The following DYNC2H1 variants were observed in gnomAD, a reference collection of about 807,000 sequenced individuals.
DYNC2H1 encodes the protein dynein cytoplasmic 2 heavy chain 1.
DYNC2H1 carries 410 observed loss-of-function variants against 570.0 expected under a neutral mutation model. That is an observed-to-expected ratio of 0.72 (90% CI 0.66 to 0.78). DYNC2H1 has a LOEUF of 0.78. Among genes scored for constraint, DYNC2H1 ranks in the 30% least tolerant of loss-of-function variants. DYNC2H1 has a pLI of 0.00. For missense variants in DYNC2H1, 4,865 were observed against 5,046.4 expected (o/e 0.96, Z 1.09); for synonymous variants, 1,688 against 1,677.6 (o/e 1.01, Z -0.15).
intron 84 of DYNC2H1, among the ~76,000 whole-genome samples, chr11:103,414,476 G>A (rs570044117): frequency 4.6e-5 from 7 of 152,162 alleles, no homozygotes; most frequent in African/African-American, 1.7e-4. Context: ...AAAATTAGCT[G>A]GGCTTGGTGG....
At chr11:103,332,265 G>A (rs1938847192) in intron 82 of DYNC2H1, among the ~76,000 whole-genome samples, 1 of 138,456 alleles carries the variant, frequency 7.2e-6, no homozygotes, top group Non-Finnish European at 1.5e-5. Context: ...ATTGAAGATA[G>A]AGCAATAGAA....
Position 103,321,176 on chromosome 11 carries a change from A to G in DYNC2H1, c.11873A>G (p.Gln3958Arg). The G allele has an allele frequency of 1.2e-6, 2 of 1,612,062 alleles. No homozygotes were observed. Among genetic ancestry groups the G allele is most frequent in the Non-Finnish European group, 8.5e-7 (1 of 1,178,916 alleles). The change falls in exon 81 of 89, where the codon CAA becomes CGA. Residue 3958 changes from glutamine to arginine, a missense_variant. Gln to Arg is a conservative substitution (Grantham distance 43). Coordinates refer to ENST00000375735, the MANE Select transcript of DYNC2H1 (RefSeq NM_001377.3). ...TCTTCAGTTATTGATGTATTCAACC[A>G]AAGGAACAAGAAAAGCATTTTTCCA... ...FNSSVIDVFN[Q>R]RNKKSIFPYS...
At chr11:103,236,572 A>G (rs1320503922) in intron 63 of DYNC2H1, 33 bp downstream of exon 63, 1 of 1,188,140 alleles carries the variant, frequency 8.4e-7, no homozygotes, top group Non-Finnish European at 1.2e-6. Context: ...TTTATTAGAA[A>G]TGTTTTATTG....
At chr11:103,240,780 G>T (rs193048957) in intron 63 of DYNC2H1, among the ~76,000 whole-genome samples, 2 of 151,968 alleles carry the variant, frequency 1.3e-5, no homozygotes, top group South Asian at 4.2e-4. Flanking sequence ...ACATTAATCC[G>T]ATCATAATAT....
intron 43 of DYNC2H1, 55 bp from the exon 44 acceptor site, chr11:103,188,442 C>T (rs1261039121): frequency 2.2e-6 from 3 of 1,360,394 alleles, no homozygotes; most frequent in African/African-American, 2.9e-5. Flanking sequence ...TATCCTTTAT[C>T]ATGATTAGGA....
At position 103,261,947 on chromosome 11, in the gene DYNC2H1, C is replaced by T. The variant is rs1232426961; in HGVS notation, c.10695+1970C>T. 1.3e-5 allele frequency among the ~76,000 whole-genome samples: 2 copies of T among 151,964 alleles called. No homozygotes were observed. Among genetic ancestry groups the T allele is most frequent in the Non-Finnish European group, 2.9e-5 (2 of 67,978 alleles). On this transcript the variant is annotated intron_variant, in intron 70 of 88. Coordinates refer to ENST00000375735, the MANE Select transcript of DYNC2H1 (RefSeq NM_001377.3). This position sits in a 1 kb window ranked among gnomAD's most constrained non-coding sequence, Gnocchi z 4.8. ...CAACCCAATGCAAGGAAGCTAAGAA[C>T]CTTGAAAAAAGGTTAGAGGAATTGC...
intron 71 of DYNC2H1, among the ~76,000 whole-genome samples, 186 bp from the exon 72 acceptor site, chr11:103,281,993 T>C (rs1383025859): frequency 6.6e-6 from 1 of 152,062 alleles, no homozygotes; most frequent in East Asian, 1.9e-4. Context: ...AGATTTCATA[T>C]TAATATTTTA....
chr11:103,387,296 CTT>C (rs568580746), intron 83 of DYNC2H1, among the ~76,000 whole-genome samples: 46 of 152,288 alleles, frequency 3.0e-4, no homozygotes, highest in African/African-American at 1.0e-3. Flanking sequence ...GCATAGATGT[CTT>C]CTTTTGAGAA....
intron 85 of DYNC2H1, among the ~76,000 whole-genome samples, chr11:103,436,305 A>G (rs1358749641): frequency 2.0e-5 from 3 of 151,836 alleles, no homozygotes; most frequent in Admixed American, 1.3e-4. Flanking sequence ...GATCACATAG[A>G]CGGTAACTGA....
rs1205791058 is a variant in DYNC2H1 at position 103,239,179 on chromosome 11, T to C, written c.9819+2640T>C. 6.6e-6 allele frequency among the ~76,000 whole-genome samples: 1 copy of C among 152,198 alleles called. No homozygotes were observed. The highest frequency in any genetic ancestry group is 1.5e-5 in the Non-Finnish European group (1 of 68,020). On this transcript the variant is annotated intron_variant, in intron 63 of 88. Transcript: ENST00000375735. This position sits in a 1 kb window ranked among gnomAD's most constrained non-coding sequence, Gnocchi z 4.3. ...ATTGAATATTTGTGTTTTATTGTTA[T>C]AGACAGTTCAGTGTCAAATTGGTTT... is the stretch of plus-strand genomic sequence containing the variant.
Position 103,205,057 on chromosome 11 carries a change from C to A in DYNC2H1, c.8454+93C>A. The A allele has an allele frequency of 8.7e-7, 1 of 1,152,746 alleles. No individual in the cohort carries two copies. The highest frequency in any genetic ancestry group is 1.2e-6 in the Non-Finnish European group (1 of 827,112). 71.4% of individuals were successfully genotyped at this position (1,152,746 alleles called of 1,614,324 possible). On this transcript the variant is annotated intron_variant, in intron 52 of 88. Transcript: ENST00000375735. The surrounding 1 kb of genome is among the most constrained non-coding windows in gnomAD (Gnocchi z 4.5). ...TTCTCTTTGGTGTTGGTTATAACATCACCTTAATTATGGCACCAAACATCT... is the reference window on the plus strand; with the variant it reads ...TTCTCTTTGGTGTTGGTTATAACATAACCTTAATTATGGCACCAAACATCT...
chr11:103,473,028 T>TA (rs1180086329), intron 88 of DYNC2H1, among the ~76,000 whole-genome samples: 1 of 152,172 alleles, frequency 6.6e-6, no homozygotes, highest in East Asian at 1.9e-4. Context: ...ATTGTTTCAG[T>TA]ATGTGGTGAT....
Position 103,290,276 on chromosome 11 carries a change from A to C in DYNC2H1, c.11095+2671A>C, listed in dbSNP as rs549416264. Reference sequence around the variant, plus strand: ...CCTATCTTCTGCCTCACCCATATGCACACAAATATTTTGAGTCACTTTTTA... The same window carrying C: ...CCTATCTTCTGCCTCACCCATATGCCCACAAATATTTTGAGTCACTTTTTA... On this transcript the variant is annotated intron_variant, in intron 75 of 88. Transcript: ENST00000375735. Among the ~76,000 whole-genome samples, 17 of 152,136 alleles carry C rather than the reference A, an allele frequency of 1.1e-4. No homozygotes were observed. The East Asian group carries it at 2.9e-3, about 26-fold the overall frequency.
chr11:103,254,951 T>C lies in DYNC2H1; in HGVS notation c.10207-464T>C, dbSNP rs947576244. 6.6e-6 allele frequency among the ~76,000 whole-genome samples: 1 copy of C among 151,820 alleles called. No individual in the cohort carries two copies. Among genetic ancestry groups the C allele is most frequent in the African/African-American group, 2.4e-5 (1 of 41,322 alleles). ...CACGCCTGGCTAATTTTTTGTATTT[T>C]TAGTAGAGATGGAGTTTCACTATGT... is the stretch of plus-strand genomic sequence containing the variant. On this transcript the variant is annotated intron_variant, in intron 66 of 88. Coordinates refer to ENST00000375735, the MANE Select transcript of DYNC2H1 (RefSeq NM_001377.3). This position sits in a 1 kb window ranked among gnomAD's most constrained non-coding sequence, Gnocchi z 4.9.
rs12275839 is a variant in DYNC2H1, at chr11:103,197,728, G to A, written c.7709-205G>A. Among the ~76,000 whole-genome samples the A allele has an allele frequency of 0.038, 5,827 of 152,212 alleles. 371 individuals carry two copies. Among genetic ancestry groups the A allele is most frequent in the African/African-American group, 0.13 (5,531 of 41,510 alleles). ...CTCCAAAAGTGCGGGTATTATAGGC[G>A]TGGGCCACCTTGCCTGGCTCAGTCA... On this transcript the variant is annotated intron_variant, in intron 47 of 88. Coordinates refer to ENST00000375735, the MANE Select transcript of DYNC2H1 (RefSeq NM_001377.3).
rs1243887897 is a variant in DYNC2H1, at chr11:103,201,306, T to A, written c.8197+1152T>A. ...CTCTATGTATCTGGAATTCTATGGA[T>A]TGTAGAGATATTTATTGTTTTATGT... is the stretch of plus-strand genomic sequence containing the variant. On this transcript the variant is annotated intron_variant, in intron 50 of 88. Coordinates refer to ENST00000375735, the MANE Select transcript of DYNC2H1 (RefSeq NM_001377.3). The surrounding 1 kb of genome is among the most constrained non-coding windows in gnomAD (Gnocchi z 4.8). Among the ~76,000 whole-genome samples the A allele has an allele frequency of 6.6e-6, 1 of 152,124 alleles. No homozygotes were observed. The highest frequency in any genetic ancestry group is 1.5e-5 in the Non-Finnish European group (1 of 68,020).
At position 103,309,192 on chromosome 11, in the gene DYNC2H1, T is replaced by G. The variant is rs1591554962; in HGVS notation, c.11493+1361T>G. 5.5e-5 allele frequency among the ~76,000 whole-genome samples: 6 copies of G among 109,120 alleles called. 1 individual carries two copies. The allele number at this position is 109,120 out of a possible 152,430, so 71.6% of individuals were successfully genotyped here. A position where few individuals can be genotyped will look rare whatever the true frequency, so the allele number is the denominator to read the frequency against. On this transcript the variant is annotated intron_variant, in intron 78 of 88. Transcript: ENST00000375735. ...TATTTTTTTTTTTTTTTTTTTTTTTTGAGATGGGGTCTCGCTCTGTTACCC... is the reference window on the plus strand; with the variant it reads ...TATTTTTTTTTTTTTTTTTTTTTTTGGAGATGGGGTCTCGCTCTGTTACCC...
At position 103,203,978 on chromosome 11, in the gene DYNC2H1, G is replaced by T. The variant is rs907066695; in HGVS notation, c.8311+202G>T. Among the ~76,000 whole-genome samples, 3 of 152,018 alleles carry T rather than the reference G, an allele frequency of 2.0e-5. No homozygotes were observed. The highest frequency in any genetic ancestry group is 4.4e-5 in the Non-Finnish European group (3 of 68,002). On this transcript the variant is annotated intron_variant, in intron 51 of 88. Coordinates refer to ENST00000375735, the MANE Select transcript of DYNC2H1 (RefSeq NM_001377.3). The surrounding 1 kb of genome is among the most constrained non-coding windows in gnomAD (Gnocchi z 4.7). ...AGTCTGTTTTTCCACTACTGATAAA[G>T]ACTTACCTGACACTGAGCAATTTAC... is the stretch of plus-strand genomic sequence containing the variant.
intron 18 of DYNC2H1, among the ~76,000 whole-genome samples, chr11:103,144,192 A>C (rs987440970): frequency 4.6e-5 from 7 of 152,350 alleles, no homozygotes; most frequent in Admixed American, 3.9e-4. Flanking sequence ...GGCAGCTGTT[A>C]CCAGCTGTAT....
Sources: allele counts gnomAD v4.1 joint callset (sites outside exome capture counted in the v4.1 genomes callset), GRCh38; gene constraint gnomAD v4.1.1; non-coding constraint Gnocchi (gnomAD v3.1); transcripts MANE v1.5; gene names NCBI Gene and HGNC (gene_info 2026-07-23, HGNC 2026-07-21).